Variants in EYS observed in about 807,000 individuals in gnomAD.
EYS encodes EGF-like photoreceptor maintenance factor, also known as protein eyes shut homolog.
A neutral mutation model predicts 282.1 loss-of-function variants in EYS; 250 were observed. That is an observed-to-expected ratio of 0.89 (90% CI 0.80 to 0.98). The LOEUF (loss-of-function observed/expected upper bound fraction) is 0.98, where lower values mean the gene tolerates loss of function less well. Among genes scored for constraint, EYS ranks in the 50% least tolerant of loss-of-function variants. The probability of loss-of-function intolerance (pLI) is 0.00; values close to 1 mark genes in which losing one functional copy is unlikely to be tolerated. For missense variants in EYS, 4,016 were observed against 3,709.0 expected, an observed-to-expected ratio of 1.08 and a Z score of -2.15; for synonymous variants, 1,355 against 1,282.9, an observed-to-expected ratio of 1.06 and a Z score of -1.20.
chr6:63,859,227 G>A (rs890899725), intron 36 of EYS, among the ~76,000 whole-genome samples: 4 of 151,552 alleles, frequency 2.6e-5, no homozygotes, highest in African/African-American at 9.7e-5. Context: ...TTTTCTATAT[G>A]CCCATTATGT....
chr6:64,982,617 C>G (rs1189615640), intron 14 of EYS, among the ~76,000 whole-genome samples: 1 of 150,888 alleles, frequency 6.6e-6, no homozygotes, highest in Non-Finnish European at 1.5e-5. Context: ...GTAATTGAGT[C>G]CTAATAGAGA....
At chr6:63,888,352 T>A (rs570480697) in intron 35 of EYS, among the ~76,000 whole-genome samples, 5 of 152,310 alleles carry the variant, frequency 3.3e-5, no homozygotes, top group African/African-American at 1.2e-4. Flanking sequence ...GGGAGACACC[T>A]CCCAGCAGGG....
intron 26 of EYS, among the ~76,000 whole-genome samples, chr6:64,552,243 C>T (rs1192513764): frequency 2.6e-5 from 4 of 152,120 alleles, no homozygotes; most frequent in Admixed American, 1.3e-4. Flanking sequence ...CTCTTTGTAG[C>T]AATAAGATAC....
At chr6:65,619,670 G>C (rs1448649654) in intron 2 of EYS, among the ~76,000 whole-genome samples, 1 of 151,556 alleles carries the variant, frequency 6.6e-6, no homozygotes, top group African/African-American at 2.4e-5. Flanking sequence ...TGCCCATTCA[G>C]TATGATATTG....
chr6:64,064,050 T>C (rs908601361), intron 33 of EYS, among the ~76,000 whole-genome samples: 5 of 152,204 alleles, frequency 3.3e-5, no homozygotes, highest in Non-Finnish European at 5.9e-5. Context: ...TGTTTTCTTT[T>C]ACTAAGTTTA....
At chr6:64,348,804 T>A (rs1022092055) in intron 29 of EYS, among the ~76,000 whole-genome samples, 2 of 151,430 alleles carry the variant, frequency 1.3e-5, no homozygotes, top group African/African-American at 2.4e-5. Context: ...ACAGCAGACA[T>A]CATGCTCTCC....
chr6:65,697,176 AATT>A (rs1478748146), intron 1 of EYS, among the ~76,000 whole-genome samples: 1 of 152,058 alleles, frequency 6.6e-6, no homozygotes, highest in African/African-American at 2.4e-5. Context: ...AAATTATTAT[AATT>A]AACAGTCTAA....
chr6:63,837,485 T>C (rs185447066), intron 36 of EYS, among the ~76,000 whole-genome samples: 2 of 152,208 alleles, frequency 1.3e-5, no homozygotes, highest in Admixed American at 6.5e-5. Context: ...GGGGTAAAAA[T>C]ATGTTAATTC....
intron 39 of EYS, among the ~76,000 whole-genome samples, chr6:63,779,991 T>C (rs769424310): frequency 6.6e-6 from 1 of 152,264 alleles, no homozygotes; most frequent in East Asian, 1.9e-4. Flanking sequence ...AGTGAGAACA[T>C]GCAGTGTTTG....
intron 22 of EYS, among the ~76,000 whole-genome samples, chr6:64,707,605 C>T (rs1731510254): frequency 6.9e-6 from 1 of 145,910 alleles, no homozygotes; most frequent in Non-Finnish European, 1.5e-5. Flanking sequence ...GGAGGCCTTG[C>T]AGTGAGTGGA....
intron 22 of EYS, among the ~76,000 whole-genome samples, chr6:64,755,932 G>A (rs1258216039): frequency 6.6e-6 from 1 of 152,030 alleles, no homozygotes; most frequent in Non-Finnish European, 1.5e-5. Context: ...TATGTAAAAT[G>A]CATTTTGTGA....
intron 29 of EYS, among the ~76,000 whole-genome samples, chr6:64,318,748 T>C (rs965165954): frequency 6.6e-6 from 1 of 151,738 alleles, no homozygotes; most frequent in African/African-American, 2.4e-5. Flanking sequence ...ATGTGTGTGA[T>C]TTTTTATTTA....
chr6:64,390,729 A>T (rs1426777736), intron 28 of EYS, among the ~76,000 whole-genome samples: 1 of 150,696 alleles, frequency 6.6e-6, no homozygotes, highest in Admixed American at 6.6e-5. Flanking sequence ...CTCCTCCTCC[A>T]AAGGAACGCA....
chr6:65,653,908 T>C (rs1409818505), intron 1 of EYS, among the ~76,000 whole-genome samples: 4 of 151,938 alleles, frequency 2.6e-5, no homozygotes, highest in Non-Finnish European at 4.4e-5. Flanking sequence ...GAAGCAAAAA[T>C]ATGTCTGTAT....
At chr6:65,358,752 C>T (rs1462568126) in intron 8 of EYS, among the ~76,000 whole-genome samples, 1 of 151,558 alleles carries the variant, frequency 6.6e-6, no homozygotes, top group Non-Finnish European at 1.5e-5. Context: ...TTAAATTAGA[C>T]CTTATACTAT....
chr6:64,907,325 C>T (rs1767860751), intron 16 of EYS, among the ~76,000 whole-genome samples: 1 of 152,138 alleles, frequency 6.6e-6, no homozygotes. Flanking sequence ...GCTGTGATTA[C>T]AAGTGTGAGC....
At chr6:64,508,130 C>G (rs1777271650) in intron 26 of EYS, among the ~76,000 whole-genome samples, 1 of 152,036 alleles carries the variant, frequency 6.6e-6, no homozygotes, top group African/African-American at 2.4e-5. Flanking sequence ...TAATAACAAT[C>G]AAGTGTTCTA....
intron 31 of EYS, among the ~76,000 whole-genome samples, chr6:64,115,614 T>C (rs1773354884): frequency 6.6e-6 from 1 of 152,140 alleles, no homozygotes; most frequent in Non-Finnish European, 1.5e-5. Flanking sequence ...ATAGAGTCTT[T>C]ACAACGACAC....
chr6:64,953,151 G>A (rs187335641), intron 14 of EYS, among the ~76,000 whole-genome samples: 2 of 151,656 alleles, frequency 1.3e-5, no homozygotes, highest in African/African-American at 2.4e-5. Flanking sequence ...AACTTGGATT[G>A]CTTCCATTTT....
Sources: allele counts gnomAD v4.1 joint callset (sites outside exome capture counted in the v4.1 genomes callset), GRCh38; gene constraint gnomAD v4.1.1; transcripts MANE v1.5; gene names NCBI Gene and HGNC (gene_info 2026-07-23, HGNC 2026-07-21).